Variants in MAP3K21 observed in about 807,000 individuals in gnomAD.
The protein encoded by MAP3K21 is mitogen-activated protein kinase kinase kinase 21.
MAP3K21 carries 63 observed loss-of-function variants against 86.1 expected under a neutral mutation model. The ratio of observed to expected loss-of-function variants is 0.73; its 90% confidence interval spans 0.60 to 0.90. MAP3K21 has a LOEUF of 0.90. Ranked by LOEUF, MAP3K21 falls within the 40% of genes least tolerant of loss-of-function variation. MAP3K21 has a pLI of 0.00. For synonymous variants in MAP3K21, 558 were observed against 564.8 expected (o/e 0.99, Z 0.17); for missense variants, 1,220 against 1,367.7 (o/e 0.89, Z 1.70).
chr1:233,364,970 A>G (rs12138087), intron 5 of MAP3K21, among the ~76,000 whole-genome samples: 7,358 of 152,198 alleles, frequency 0.048, 276 homozygotes, highest in Non-Finnish European at 0.072. Flanking sequence ...CTCCAACCCT[A>G]AACTCACACA....
chr1:233,337,720 TGG>T (rs1662944530), intron 1 of MAP3K21, among the ~76,000 whole-genome samples: 1 of 152,208 alleles, frequency 6.6e-6, no homozygotes, highest in Non-Finnish European at 1.5e-5. Flanking sequence ...GCAGGCCTGC[TGG>T]TGACTTGGGT....
At chr1:233,329,126 G>A (rs911050509) in intron 1 of MAP3K21, among the ~76,000 whole-genome samples, 10 of 152,124 alleles carry the variant, frequency 6.6e-5, no homozygotes, top group African/African-American at 1.9e-4. Flanking sequence ...AAACCTCAGG[G>A]GGCAGTCTGG....
chr1:233,378,147 A>G (rs1000034979), intron 8 of MAP3K21, among the ~76,000 whole-genome samples: 5 of 152,208 alleles, frequency 3.3e-5, no homozygotes, highest in Admixed American at 3.3e-4. Context: ...ATGTTTAGGT[A>G]TACTAGGATG....
chr1:233,369,220 CAAAAAAAAA>C lies in MAP3K21; in HGVS notation c.1553-2806_1553-2798del, dbSNP rs35461412. On this transcript the variant is annotated intron_variant, in intron 5 of 9. Transcript: ENST00000366624. ...GTGAAACCCCGTCTCTAGTAAAATA[CAAAAAAAAA>C]AAAAAAAAAAATTAGCCAGGTGTGG... Among the ~76,000 whole-genome samples, 242 of 105,588 alleles carry C rather than the reference CAAAAAAAAA, an allele frequency of 2.3e-3. 1 individual carries two copies. The highest frequency in any genetic ancestry group is 4.7e-3 in the Admixed American group (40 of 8,584). The allele number at this position is 105,588 out of a possible 152,430, so 69.3% of individuals were successfully genotyped here.
Position 233,379,485 on chromosome 1 carries a change from G to C in MAP3K21, c.2479G>C (p.Val827Leu). Residue 827 changes from valine to leucine, a missense_variant, in exon 9 of 10, where the codon GTC becomes CTC. Physicochemically the swap from Val to Leu is conservative, Grantham distance 32 (BLOSUM62 1). Transcript: ENST00000366624. Reference sequence around the variant, plus strand: ...AGATCCACTGGTGGACAGTGCACCTGTCACTTGTGACTCTGAGATGCTCAC... The same window carrying C: ...AGATCCACTGGTGGACAGTGCACCTCTCACTTGTGACTCTGAGATGCTCAC... ...SEDPLVDSAP[V>L]TCDSEMLTPD... 6.2e-7 allele frequency: 1 copy of C among 1,614,218 alleles called. No homozygotes were observed. Among genetic ancestry groups the C allele is most frequent in the Non-Finnish European group, 8.5e-7 (1 of 1,180,046 alleles).
chr1:233,376,437 C>T lies in MAP3K21; in HGVS notation c.1834C>T (p.Pro612Ser). Residue 612 changes from proline to serine, a missense_variant, in exon 8 of 10, where the codon CCT becomes TCT. Around this residue, in one of 5 missense-constraint regions of MAP3K21, gnomAD observed 632 missense variants for 691.3 expected, o/e 0.91. Coordinates refer to ENST00000366624, the MANE Select transcript of MAP3K21 (RefSeq NM_032435.3). ...AACATTTTTCTCTTGTAGGATAAGA[C>T]CTCTCTCCGATGGCAACAGTCCTTG... Reference protein sequence around the residue: ...DRTDCKERIRPLSDGNSPWST... With the variant: ...DRTDCKERIRSLSDGNSPWST... The T allele has an allele frequency of 1.2e-6, 2 of 1,609,472 alleles. No individual in the cohort carries two copies. The highest frequency in any genetic ancestry group is 2.2e-5 in the South Asian group (2 of 90,912).
rs1663959160 is a variant in MAP3K21 at position 233,383,596 on chromosome 1, A to G, written c.*885A>G. On this transcript the variant is annotated 3_prime_UTR_variant, in exon 10 of 10. Coordinates refer to ENST00000366624, the MANE Select transcript of MAP3K21 (RefSeq NM_032435.3). ...GTGGAAAGCTTTTTCATTCTCCAGT[A>G]GAACTTTTAAAAATTGTTACAGATA... 1 of 151,996 alleles carries G rather than the reference A, an allele frequency of 6.6e-6. No individual in the cohort carries two copies. Among genetic ancestry groups the G allele is most frequent in the Admixed American group, 6.6e-5 (1 of 15,242 alleles). 9.4% of individuals were successfully genotyped at this position (151,996 alleles called of 1,614,324 possible). A position where few individuals can be genotyped will look rare whatever the true frequency, so the allele number is the denominator to read the frequency against.
intron 1 of MAP3K21, among the ~76,000 whole-genome samples, chr1:233,341,049 T>C (rs1663030305): frequency 6.6e-6 from 1 of 152,190 alleles, no homozygotes; most frequent in African/African-American, 2.4e-5. Context: ...GTAGGCTAAG[T>C]ACAAGGTTGT....
chr1:233,365,502 A>T (rs75503991), intron 5 of MAP3K21, among the ~76,000 whole-genome samples: 2,258 of 152,314 alleles, frequency 0.015, 54 homozygotes, highest in African/African-American at 0.052. Context: ...AGACATAAAA[A>T]TGGCCAGCAA....
chr1:233,335,616 G>C (rs1293932520), intron 1 of MAP3K21, among the ~76,000 whole-genome samples: 1 of 151,956 alleles, frequency 6.6e-6, no homozygotes, highest in Non-Finnish European at 1.5e-5. Flanking sequence ...AATTAAATCT[G>C]GGACCTCTGA....
intron 5 of MAP3K21, among the ~76,000 whole-genome samples, chr1:233,371,392 A>G (rs2102763982): frequency 6.6e-6 from 1 of 152,154 alleles, no homozygotes; most frequent in Admixed American, 6.5e-5. Context: ...ACAGAGTCTC[A>G]CTCTGTTGCC....
chr1:233,376,373 C>G, intron 7 of MAP3K21, 57 bp from the exon 8 acceptor site: 1 of 1,246,428 alleles, frequency 8.0e-7, no homozygotes. Flanking sequence ...TCCACCAAAA[C>G]CTAATTGGTG....
intron 5 of MAP3K21, among the ~76,000 whole-genome samples, chr1:233,370,977 A>G (rs929942201): frequency 3.3e-5 from 5 of 152,220 alleles, no homozygotes; most frequent in Non-Finnish European, 5.9e-5. Context: ...CTGAAAGAAT[A>G]TCCAGTAATG....
chr1:233,377,416 C>G (rs1039438462), intron 8 of MAP3K21, among the ~76,000 whole-genome samples: 8 of 152,180 alleles, frequency 5.3e-5, no homozygotes, highest in African/African-American at 7.2e-5. Flanking sequence ...CTCAATTTCA[C>G]AAGCACCTTT....
At chr1:233,350,504 T>TA (rs901927119) in intron 2 of MAP3K21, among the ~76,000 whole-genome samples, 6 of 152,092 alleles carry the variant, frequency 3.9e-5, no homozygotes, top group Non-Finnish European at 2.9e-5. Context: ...GATATTTCCA[T>TA]AAAAAAAAGT....
intron 5 of MAP3K21, among the ~76,000 whole-genome samples, chr1:233,363,028 A>G (rs1167250846): frequency 3.3e-5 from 5 of 152,186 alleles, no homozygotes; most frequent in Non-Finnish European, 7.3e-5. Context: ...AATATTATAT[A>G]TTCTACTTGT....
chr1:233,342,511 G>A (rs559875341), intron 1 of MAP3K21, among the ~76,000 whole-genome samples: 11 of 152,346 alleles, frequency 7.2e-5, no homozygotes, highest in South Asian at 6.2e-4. Context: ...TATGTTAGGC[G>A]ATATGGAGGA....
chr1:233,378,879 G>A, intron 8 of MAP3K21, 52 bp from the exon 9 acceptor site: 1 of 1,252,404 alleles, frequency 8.0e-7, no homozygotes, highest in Non-Finnish European at 1.1e-6. Flanking sequence ...TTGTTTAAAT[G>A]ACTTTTGCTG....
intron 6 of MAP3K21, chr1:233,372,521 T>C: frequency 6.9e-6 from 2 of 290,904 alleles, no homozygotes; most frequent in East Asian, 1.2e-4. Context: ...AAATCAGGAA[T>C]TCAGGATTAC....
Sources: allele counts gnomAD v4.1 joint callset (sites outside exome capture counted in the v4.1 genomes callset), GRCh38; gene constraint gnomAD v4.1.1; regional missense constraint gnomAD v4.1.1; transcripts MANE v1.5; gene names NCBI Gene and HGNC (gene_info 2026-07-23, HGNC 2026-07-21).